The following DERA variants were observed in gnomAD, a reference collection of about 807,000 sequenced individuals.
The protein encoded by DERA is deoxyribose-phosphate aldolase, also known as 2-deoxy-D-ribose 5-phosphate aldolase.
Under a neutral mutation model 41.1 loss-of-function variants are expected in DERA, and 15 were observed. The ratio of observed to expected loss-of-function variants is 0.37; its 90% confidence interval spans 0.24 to 0.56. DERA has a LOEUF of 0.56. Ranked by LOEUF, DERA falls within the 20% of genes least tolerant of loss-of-function variation. DERA has a pLI of 0.81. For synonymous variants in DERA, 139 were observed against 137.4 expected, an observed-to-expected ratio of 1.01 and a Z score of -0.08; for missense variants, 396 against 403.4, an observed-to-expected ratio of 0.98 and a Z score of 0.16.
rs1948857189 is a variant in DERA, at chr12:15,998,942, T to A, written c.637+16506T>A. On this transcript the variant is annotated intron_variant, in intron 6 of 8. Transcript: ENST00000428559. This position sits in a 1 kb window ranked among gnomAD's most constrained non-coding sequence, Gnocchi z 4.8. ...TAAGAGCAAGAATTTATATTTTAAA[T>A]TTAGGTCTCTCAGGACATTTGTAAT... is the stretch of plus-strand genomic sequence containing the variant. Among the ~76,000 whole-genome samples, 1 of 152,230 alleles carries A rather than the reference T, an allele frequency of 6.6e-6. No individual in the cohort carries two copies. Among genetic ancestry groups the A allele is most frequent in the Admixed American group, 6.5e-5 (1 of 15,284 alleles).
chr12:16,027,203 GT>G lies in DERA; in HGVS notation c.638-5338del, dbSNP rs796247931. 4.6e-5 allele frequency among the ~76,000 whole-genome samples: 7 copies of G among 152,268 alleles called. No homozygotes were observed. In the South Asian group the frequency reaches 1.2e-3, roughly 27 times the overall value. On this transcript the variant is annotated intron_variant, in intron 6 of 8. Transcript: ENST00000428559. ...AACATACTTAATATTGAGAAATTGC[GT>G]GCTTTCCTCCTAAGATCCTCTTAAG...
rs1948654616 is a variant in DERA, at chr12:15,970,845, T to A, written c.508+7898T>A. ...CAGATTCCATTCCACCAAAGCAACA[T>A]GAAAAAACCTAATGTCTAGTTTTAG... On this transcript the variant is annotated intron_variant, in intron 5 of 8. Transcript: ENST00000428559. The surrounding 1 kb of genome is among the most constrained non-coding windows in gnomAD (Gnocchi z 4.3). Among the ~76,000 whole-genome samples the A allele has an allele frequency of 6.6e-6, 1 of 152,194 alleles. No individual in the cohort carries two copies. Among genetic ancestry groups the A allele is most frequent in the Non-Finnish European group, 1.5e-5 (1 of 68,032 alleles).
rs1307488286 is a variant in DERA at position 15,938,166 on chromosome 12, G to A, written c.32-18770G>A. Among the ~76,000 whole-genome samples the A allele has an allele frequency of 6.6e-6, 1 of 152,184 alleles. No individual in the cohort carries two copies. Among genetic ancestry groups the A allele is most frequent in the Non-Finnish European group, 1.5e-5 (1 of 68,038 alleles). ...TCAGTGGAGCCCAGAGGAAGACTTA[G>A]TGGTTGAGGAGCTGGAGAAAGTTGC... On this transcript the variant is annotated intron_variant, in intron 1 of 8. Coordinates refer to ENST00000428559, the MANE Select transcript of DERA (RefSeq NM_015954.4). The surrounding 1 kb of genome is among the most constrained non-coding windows in gnomAD (Gnocchi z 4.1).
chr12:15,969,389 G>A (rs1948645012), intron 5 of DERA, among the ~76,000 whole-genome samples: 1 of 152,194 alleles, frequency 6.6e-6, no homozygotes, highest in South Asian at 2.1e-4. Flanking sequence ...AGGACCTGGA[G>A]CTGGCTTTAC....
chr12:15,946,599 A>G (rs564951136), intron 1 of DERA, among the ~76,000 whole-genome samples: 9 of 150,222 alleles, frequency 6.0e-5, no homozygotes, highest in Non-Finnish European at 8.9e-5. Flanking sequence ...TATTGCATCT[A>G]TTTGATTCTT....
At position 15,911,737 on chromosome 12, in the gene DERA, A is replaced by G; in HGVS notation, c.31+323A>G. 1.6e-6 allele frequency: 1 copy of G among 614,510 alleles called. No homozygotes were observed. Among genetic ancestry groups the G allele is most frequent in the South Asian group, 1.5e-5 (1 of 65,970 alleles). The allele number at this position is 614,510 out of a possible 1,614,324, so 38.1% of individuals were successfully genotyped here. ...CAACCCAAAAAACAAAACCCAAAAC[A>G]AACAACCCCCAAGCAGGTAAAAACA... On this transcript the variant is annotated intron_variant, in intron 1 of 8. Coordinates refer to ENST00000428559, the MANE Select transcript of DERA (RefSeq NM_015954.4). This position sits in a 1 kb window ranked among gnomAD's most constrained non-coding sequence, Gnocchi z 4.5.
intron 1 of DERA, among the ~76,000 whole-genome samples, chr12:15,919,936 C>T (rs1018273523): frequency 2.6e-5 from 4 of 151,760 alleles, no homozygotes; most frequent in Admixed American, 6.6e-5. Context: ...TTCAACTGTC[C>T]GCCTAATGGA....
At chr12:15,962,202 A>T (rs1195940639) in intron 4 of DERA, among the ~76,000 whole-genome samples, 2 of 151,532 alleles carry the variant, frequency 1.3e-5, no homozygotes, top group Non-Finnish European at 2.9e-5. Flanking sequence ...GCTCTTCCCA[A>T]CCCTGCCCCT....
intron 6 of DERA, among the ~76,000 whole-genome samples, chr12:16,030,903 GCAGCCTTA>G (rs1949088209): frequency 6.6e-6 from 1 of 152,122 alleles, no homozygotes; most frequent in Admixed American, 6.6e-5. Flanking sequence ...TTTCTCCCAG[GCAGCCTTA>G]CAGACCCAAA....
intron 1 of DERA, chr12:15,951,600 G>A (rs1948498120): frequency 6.6e-6 from 1 of 152,124 alleles, no homozygotes; most frequent in South Asian, 2.1e-4. Flanking sequence ...ATTATTATGT[G>A]TTATATTTCC....
rs7980712 is a variant in DERA at position 15,998,754 on chromosome 12, A to G, written c.637+16318A>G. The stretch of plus-strand genomic sequence containing the variant: ...TTGTTCTAGTAGTTATTTTCATTGC[A>G]ATGTGCTTATTTGGACCGCTGAACT... On this transcript the variant is annotated intron_variant, in intron 6 of 8. Transcript: ENST00000428559. The surrounding 1 kb of genome is among the most constrained non-coding windows in gnomAD (Gnocchi z 4.8). Among the ~76,000 whole-genome samples the G allele has an allele frequency of 0.14, 21,271 of 152,144 alleles. 1,652 individuals carry two copies. The highest frequency in any genetic ancestry group is 0.18 in the African/African-American group (7,573 of 41,502).
At chr12:15,932,617 CTGAG>C (rs1292446362) in intron 1 of DERA, among the ~76,000 whole-genome samples, 1 of 151,626 alleles carries the variant, frequency 6.6e-6, no homozygotes. Context: ...ACACTTCAGC[CTGAG>C]TAACAGTGAG....
chr12:15,976,689 G>C lies in DERA; in HGVS notation c.509-5619G>C, dbSNP rs564293216. ...TTACGTGTGCTTATTATCAAAGGTG[G>C]ATCTGAAGGAAAAATGATTGATTAC... is the stretch of plus-strand genomic sequence containing the variant. On this transcript the variant is annotated intron_variant, in intron 5 of 8. Coordinates refer to ENST00000428559, the MANE Select transcript of DERA (RefSeq NM_015954.4). This position sits in a 1 kb window ranked among gnomAD's most constrained non-coding sequence, Gnocchi z 4.1. 3.6e-4 allele frequency among the ~76,000 whole-genome samples: 55 copies of C among 152,298 alleles called. No individual in the cohort carries two copies. Among genetic ancestry groups the C allele is most frequent in the African/African-American group, 1.3e-3 (53 of 41,568 alleles).
At chr12:15,977,451 TTTTC>T (rs1336342439) in intron 5 of DERA, among the ~76,000 whole-genome samples, 20 of 152,184 alleles carry the variant, frequency 1.3e-4, no homozygotes, top group Non-Finnish European at 1.9e-4. Flanking sequence ...CACATCTCAC[TTTTC>T]TTTCTTTCTT....
Position 15,966,463 on chromosome 12 carries a change from CAA to C in DERA, c.508+3529_508+3530del, listed in dbSNP as rs377752176. Among the ~76,000 whole-genome samples, 13 of 109,138 alleles carry C rather than the reference CAA, an allele frequency of 1.2e-4. No individual in the cohort carries two copies. The highest frequency in any genetic ancestry group is 2.9e-4 in the Admixed American group (3 of 10,444). 71.6% of individuals were successfully genotyped at this position (109,138 alleles called of 152,430 possible). ...TGAGGGACAGAGTGAGATTCCCTCT[CAA>C]AAAAAAAAAAAAGAATTCTGCAAAG... On this transcript the variant is annotated intron_variant, in intron 5 of 8. Coordinates refer to ENST00000428559, the MANE Select transcript of DERA (RefSeq NM_015954.4). This position sits in a 1 kb window ranked among gnomAD's most constrained non-coding sequence, Gnocchi z 5.1.
At position 15,967,601 on chromosome 12, in the gene DERA, T is replaced by C. The variant is rs1948631587; in HGVS notation, c.508+4654T>C. On this transcript the variant is annotated intron_variant, in intron 5 of 8. Coordinates refer to ENST00000428559, the MANE Select transcript of DERA (RefSeq NM_015954.4). This position sits in a 1 kb window ranked among gnomAD's most constrained non-coding sequence, Gnocchi z 4.9. Reference sequence around the variant, plus strand: ...GGGGCCAGTGGAATCTCTGAGATGATTGGCCTCATAGCTCACAGTCCAGAC... The same window carrying C: ...GGGGCCAGTGGAATCTCTGAGATGACTGGCCTCATAGCTCACAGTCCAGAC... Among the ~76,000 whole-genome samples, 2 of 152,220 alleles carry C rather than the reference T, an allele frequency of 1.3e-5. No homozygotes were observed. Among genetic ancestry groups the C allele is most frequent in the African/African-American group, 4.8e-5 (2 of 41,460 alleles).
intron 1 of DERA, among the ~76,000 whole-genome samples, chr12:15,914,393 TAA>T (rs1185673228): frequency 7.3e-4 from 40 of 54,992 alleles, no homozygotes; most frequent in African/African-American, 1.6e-3. Flanking sequence ...TCAAAAAAGA[TAA>T]AAAAAAAAAA....
rs1948966326 is a variant in DERA at position 16,014,322 on chromosome 12, G to GGAAAACATGGTTTT, written c.638-18218_638-18205dup. ...CCCATCACAGGCCAGAGGTCTAGAA[G>GGAAAACATGGTTTT]GAAAACATGGTTTTGTGGGCCAGGC... On this transcript the variant is annotated intron_variant, in intron 6 of 8. Coordinates refer to ENST00000428559, the MANE Select transcript of DERA (RefSeq NM_015954.4). This position sits in a 1 kb window ranked among gnomAD's most constrained non-coding sequence, Gnocchi z 5.4. Among the ~76,000 whole-genome samples the GGAAAACATGGTTTT allele has an allele frequency of 6.6e-6, 1 of 152,188 alleles. No homozygotes were observed. Among genetic ancestry groups the GGAAAACATGGTTTT allele is most frequent in the African/African-American group, 2.4e-5 (1 of 41,452 alleles).
intron 6 of DERA, among the ~76,000 whole-genome samples, chr12:16,022,310 C>T (rs535117113): frequency 5.9e-5 from 9 of 152,160 alleles, no homozygotes; most frequent in South Asian, 4.1e-4. Flanking sequence ...CTGCCATGAT[C>T]GTAGGCTTCC....
Sources: gnomAD v4.1 joint callset for allele counts (sites outside exome capture counted in the v4.1 genomes callset) on GRCh38, gnomAD v4.1.1 for gene constraint, Gnocchi (gnomAD v3.1) non-coding constraint, MANE v1.5 for transcripts, NCBI Gene and HGNC (gene_info 2026-07-23, HGNC 2026-07-21) for gene names.